FUT8: variants seen among roughly 807,000 people sequenced by gnomAD.
FUT8 encodes fucosyltransferase 8, also known as alpha-(1,6)-fucosyltransferase.
A neutral mutation model predicts 71.3 loss-of-function variants in FUT8; 29 were observed. The ratio of observed to expected loss-of-function variants is 0.41; its 90% CI spans 0.30 to 0.55. The LOEUF is 0.55. Among genes scored for constraint, FUT8 ranks in the 20% least tolerant of loss-of-function variants. The pLI is 0.34. For synonymous variants in FUT8, 254 were observed against 239.3 expected, an observed-to-expected ratio of 1.06 and a Z score of -0.57; for missense variants, 544 against 702.1, an observed-to-expected ratio of 0.77 and a Z score of 2.55.
the FUT8 span, among the ~76,000 whole-genome samples, chr14:65,399,928 T>G: frequency 2.0e-5 from 3 of 152,236 alleles, no homozygotes; most frequent in African/African-American, 7.2e-5. Flanking sequence ...CATTCATTCA[T>G]TCACTCATCC....
At chr14:65,498,932 C>G (rs1359758746) in intron 2 of FUT8, among the ~76,000 whole-genome samples, 1 of 152,112 alleles carries the variant, frequency 6.6e-6, no homozygotes, top group African/African-American at 2.4e-5. Flanking sequence ...GCCTCATGTA[C>G]ATTACTTTTC....
intron 2 of FUT8, among the ~76,000 whole-genome samples, chr14:65,526,136 T>C (rs1230895336): frequency 3.3e-5 from 5 of 152,188 alleles, no homozygotes; most frequent in African/African-American, 9.7e-5. Flanking sequence ...TCTGTCTCAT[T>C]GATCTGTCTG....
At chr14:65,406,782 CCCACAT>C (rs2139327740), upstream of FUT8, among the ~76,000 whole-genome samples, 2 of 152,306 alleles carry the variant, frequency 1.3e-5, no homozygotes, top group African/African-American at 4.8e-5. Flanking sequence ...AAGTAATCTG[CCCACAT>C]CGGCCTCCCA....
chr14:65,417,874 G>T (rs544063414), intron 1 of FUT8, among the ~76,000 whole-genome samples: 1 of 152,182 alleles, frequency 6.6e-6, no homozygotes, highest in South Asian at 2.1e-4. Flanking sequence ...AATGCTCACT[G>T]TATTTGTTGT....
rs762844312 is a variant in FUT8 at position 65,627,290 on chromosome 14, G to C, written c.483-2202G>C. On this transcript the variant is annotated intron_variant, in intron 5 of 10. Transcript: ENST00000673929. The surrounding 1 kb of genome is among the most constrained non-coding windows in gnomAD (Gnocchi z 4.0). ...TGTTAGCAGCAGTGAATCCATACGG[G>C]CCTGCAGCAGCTCGATTCTTGCTTC... 9.2e-5 allele frequency among the ~76,000 whole-genome samples: 14 copies of C among 152,260 alleles called. No homozygotes were observed. The highest frequency in any genetic ancestry group is 3.4e-3 in the Middle Eastern group (1 of 294).
intron 3 of FUT8, among the ~76,000 whole-genome samples, chr14:65,598,459 G>T (rs1449675722): frequency 6.6e-6 from 1 of 152,134 alleles, no homozygotes; most frequent in African/African-American, 2.4e-5. Flanking sequence ...CTGACCTTGT[G>T]ATCCACCCGC....
At chr14:65,430,337 T>C (rs1277500769) in intron 1 of FUT8, 2 of 152,120 alleles carry the variant, frequency 1.3e-5, no homozygotes, top group African/African-American at 4.8e-5. Context: ...CCAAGAATGT[T>C]CTTTTGAAAA....
intron 7 of FUT8, among the ~76,000 whole-genome samples, chr14:65,670,498 A>G (rs1046543258): frequency 1.3e-5 from 2 of 152,162 alleles, no homozygotes; most frequent in African/African-American, 4.8e-5. Flanking sequence ...AGTGTGACAG[A>G]TACTGAATTA....
At chr14:65,737,225 T>A (rs1189248651) in intron 10 of FUT8, among the ~76,000 whole-genome samples, 1 of 152,128 alleles carries the variant, frequency 6.6e-6, no homozygotes. Context: ...ACACTGTGGC[T>A]CTGCTCTCTA....
At chr14:65,687,906 T>A (rs913257948) in intron 7 of FUT8, among the ~76,000 whole-genome samples, 6 of 152,160 alleles carry the variant, frequency 3.9e-5, no homozygotes, top group African/African-American at 1.2e-4. Flanking sequence ...AAGTTTTAAA[T>A]TTTTTGTAGA....
chr14:65,439,991 T>TATATAC lies in FUT8; in HGVS notation c.-325-15630_-325-15629insATATAC, dbSNP rs1491251493. Among the ~76,000 whole-genome samples, 93 of 134,250 alleles carry TATATAC rather than the reference T, an allele frequency of 6.9e-4. 4 individuals carry two copies. Among genetic ancestry groups the TATATAC allele is most frequent in the South Asian group, 1.7e-3 (7 of 4,224 alleles). The allele number at this position is 134,250 out of a possible 152,430, so 88.1% of individuals were successfully genotyped here. A position where few individuals can be genotyped will look rare whatever the true frequency, so the allele number is the denominator to read the frequency against. ...ATATATATATATATATATATATATATGTACACACACACAGTGGAATACTGT... is the reference window on the plus strand; with the variant it reads ...ATATATATATATATATATATATATATATATACGTACACACACACAGTGGAATACTGT... On this transcript the variant is annotated intron_variant, in intron 1 of 10. Transcript: ENST00000673929.
At chr14:65,357,477 A>T in the FUT8 span, among the ~76,000 whole-genome samples, 137,796 of 152,282 alleles carry the variant, frequency 0.9, 62,860 homozygotes, top group East Asian at 1. Flanking sequence ...CTATTTCTTT[A>T]GGGCTCTGCA....
intron 3 of FUT8, among the ~76,000 whole-genome samples, chr14:65,578,815 A>G (rs908275812): frequency 6.6e-6 from 1 of 152,190 alleles, no homozygotes; most frequent in Non-Finnish European, 1.5e-5. Context: ...AGGAAATATA[A>G]TGTAAAATAG....
chr14:65,510,784 A>G (rs1443635672), intron 2 of FUT8, among the ~76,000 whole-genome samples: 1 of 151,790 alleles, frequency 6.6e-6, no homozygotes, highest in Non-Finnish European at 1.5e-5. Context: ...CTCCTTTGTT[A>G]CCTCTGATTT....
At chr14:65,486,114 T>C (rs1042843506) in intron 2 of FUT8, among the ~76,000 whole-genome samples, 7 of 152,224 alleles carry the variant, frequency 4.6e-5, no homozygotes, top group Non-Finnish European at 8.8e-5. Context: ...ATAATTCTGG[T>C]TTGAAAATTA....
intron 7 of FUT8, among the ~76,000 whole-genome samples, chr14:65,684,691 C>T (rs1031561173): frequency 1.3e-5 from 2 of 152,172 alleles, no homozygotes; most frequent in East Asian, 3.9e-4. Context: ...TTCCCCCATG[C>T]TGTTCTTGGT....
chr14:65,413,108 C>G lies in FUT8; in HGVS notation c.-432C>G, dbSNP rs956251436. On this transcript the variant is annotated 5_prime_UTR_variant, in exon 1 of 11. Coordinates refer to ENST00000673929, the MANE Select transcript of FUT8 (RefSeq NM_001371533.1). This position sits in a 1 kb window ranked among gnomAD's most constrained non-coding sequence, Gnocchi z 4.1. Reference sequence around the variant, plus strand: ...GTTCGGTCGGGAGTAGCATCCTCCACTCAGCCACCCTTCCCACTCCCCCAT... The same window carrying G: ...GTTCGGTCGGGAGTAGCATCCTCCAGTCAGCCACCCTTCCCACTCCCCCAT... 3.3e-5 allele frequency: 5 copies of G among 152,918 alleles called. No individual in the cohort carries two copies. Among genetic ancestry groups the G allele is most frequent in the South Asian group, 2.1e-4 (1 of 4,834 alleles). The allele number at this position is 152,918 out of a possible 1,614,324, so 9.5% of individuals were successfully genotyped here.
At chr14:65,452,102 T>A (rs958994116) in intron 1 of FUT8, among the ~76,000 whole-genome samples, 2 of 152,232 alleles carry the variant, frequency 1.3e-5, no homozygotes, top group African/African-American at 4.8e-5. Flanking sequence ...ATATTTTGTT[T>A]TCATATGAGT....
intron 3 of FUT8, among the ~76,000 whole-genome samples, chr14:65,577,428 G>A (rs1201687114): frequency 1.3e-5 from 2 of 152,020 alleles, no homozygotes; most frequent in African/African-American, 2.4e-5. Context: ...GGGGCTTTTT[G>A]ATCTTCAGTT....
Sources: allele counts gnomAD v4.1 joint callset (sites outside exome capture counted in the v4.1 genomes callset), GRCh38; gene constraint gnomAD v4.1.1; non-coding constraint Gnocchi (gnomAD v3.1); transcripts MANE v1.5; gene names NCBI Gene and HGNC (gene_info 2026-07-23, HGNC 2026-07-21).